Variants in ERC2 observed in about 807,000 individuals in gnomAD.
The protein encoded by ERC2 is ELKS/RAB6-interacting/CAST family member 2.
A neutral mutation model predicts 114.8 loss-of-function variants in ERC2; 42 were observed. That is an observed-to-expected ratio of 0.37 (90% CI 0.29 to 0.47). The LOEUF (loss-of-function observed/expected upper bound fraction) is 0.47. Ranked by LOEUF, ERC2 falls within the 20% of genes least tolerant of loss-of-function variation. ERC2 has a pLI of 0.99. For missense variants in ERC2, 939 were observed against 1,150.7 expected (o/e 0.82, Z 2.66); for synonymous variants, 454 against 425.5 (o/e 1.07, Z -0.82).
chr3:55,988,329 T>C (rs935580689), intron 11 of ERC2, among the ~76,000 whole-genome samples: 3 of 152,180 alleles, frequency 2.0e-5, no homozygotes, highest in Non-Finnish European at 4.4e-5. Context: ...CTGAGCTGCC[T>C]GCAGTCCAAG....
chr3:56,262,707 T>C lies in ERC2; in HGVS notation c.1074+33312A>G, dbSNP rs114134118. 6.5e-3 allele frequency among the ~76,000 whole-genome samples: 992 copies of C among 152,364 alleles called. 12 individuals carry two copies. Among genetic ancestry groups the C allele is most frequent in the African/African-American group, 0.022 (902 of 41,584 alleles). ...ATGTAAGAGTTAAACACTCATTTCA[T>C]ACCATTTAATTTCATTTGCAAGATG... is the stretch of plus-strand genomic sequence containing the variant. On this transcript the variant is annotated intron_variant, in intron 3 of 17. Coordinates refer to ENST00000288221, the MANE Select transcript of ERC2 (RefSeq NM_015576.3).
At chr3:56,367,985 AT>A (rs1347976621) in intron 2 of ERC2, among the ~76,000 whole-genome samples, 2 of 149,114 alleles carry the variant, frequency 1.3e-5, no homozygotes, top group Non-Finnish European at 3.0e-5. Flanking sequence ...GGTAGGACAA[AT>A]TTTTCTAAAA....
intron 14 of ERC2, among the ~76,000 whole-genome samples, chr3:55,870,661 C>A (rs76244816): frequency 6.6e-6 from 1 of 152,264 alleles, no homozygotes; most frequent in East Asian, 1.9e-4. Flanking sequence ...ATGCAACCCT[C>A]ATCACCCAGG....
chr3:55,742,725 G>A (rs1474693716), intron 14 of ERC2, among the ~76,000 whole-genome samples: 5 of 152,232 alleles, frequency 3.3e-5, no homozygotes, highest in Middle Eastern at 3.4e-3. Flanking sequence ...AGATGGTGAC[G>A]AAAGATCCTA....
intron 17 of ERC2, chr3:55,658,971 C>G (rs778694231): frequency 6.6e-6 from 1 of 152,656 alleles, no homozygotes; most frequent in Non-Finnish European, 1.5e-5. Context: ...TGAACCTTCC[C>G]GAGGCCCACA....
At chr3:55,700,165 A>C (rs1176794455) in intron 15 of ERC2, among the ~76,000 whole-genome samples, 2 of 152,248 alleles carry the variant, frequency 1.3e-5, no homozygotes, top group Non-Finnish European at 2.9e-5. Flanking sequence ...GATGCCTGTC[A>C]CATGAGGCAA....
At chr3:56,401,145 G>A (rs1005061279) in intron 2 of ERC2, among the ~76,000 whole-genome samples, 1 of 152,146 alleles carries the variant, frequency 6.6e-6, no homozygotes, top group African/African-American at 2.4e-5. Flanking sequence ...TTTTCAATTA[G>A]GCCAGTGCTA....
intron 16 of ERC2, among the ~76,000 whole-genome samples, chr3:55,694,825 C>T (rs1440923056): frequency 1.3e-5 from 2 of 152,178 alleles, no homozygotes; most frequent in Non-Finnish European, 2.9e-5. Context: ...CAACCCAAGA[C>T]CCGGGAAGAG....
At chr3:56,389,896 C>A (rs998187620) in intron 2 of ERC2, among the ~76,000 whole-genome samples, 13 of 152,268 alleles carry the variant, frequency 8.5e-5, no homozygotes, top group African/African-American at 3.1e-4. Context: ...CAAGAACAGG[C>A]AACAGCTATA....
chr3:55,890,533 A>C lies in ERC2; in HGVS notation c.2404-1984T>G, dbSNP rs1303088057. 3.9e-5 allele frequency among the ~76,000 whole-genome samples: 6 copies of C among 152,286 alleles called. No homozygotes were observed. In the East Asian group the frequency reaches 1.2e-3, roughly 29 times the overall value. Reference sequence around the variant, plus strand: ...ACTCAGCTGGGTTTCCAAATCTTAGATCACCTGCCACTGGACCGCTTAGGG... The same window carrying C: ...ACTCAGCTGGGTTTCCAAATCTTAGCTCACCTGCCACTGGACCGCTTAGGG... On this transcript the variant is annotated intron_variant, in intron 13 of 17. Coordinates refer to ENST00000288221, the MANE Select transcript of ERC2 (RefSeq NM_015576.3).
intron 2 of ERC2, among the ~76,000 whole-genome samples, chr3:56,339,195 T>C (rs2057985946): frequency 6.6e-6 from 1 of 151,990 alleles, no homozygotes; most frequent in Admixed American, 6.6e-5. Flanking sequence ...ATCAGGAAAA[T>C]AGAAGTAACA....
At chr3:56,297,229 A>G (rs949203952) in intron 2 of ERC2, among the ~76,000 whole-genome samples, 1 of 152,106 alleles carries the variant, frequency 6.6e-6, no homozygotes, top group Non-Finnish European at 1.5e-5. Flanking sequence ...AAGAAGAAAA[A>G]AAAAAAGAAA....
chr3:56,216,682 CA>C (rs2150137432), intron 3 of ERC2, among the ~76,000 whole-genome samples: 1 of 152,070 alleles, frequency 6.6e-6, no homozygotes, highest in Non-Finnish European at 1.5e-5. Flanking sequence ...GGCAGAGACA[CA>C]ACAAAAAAAG....
intron 4 of ERC2, among the ~76,000 whole-genome samples, chr3:56,170,460 T>G: frequency 6.6e-6 from 1 of 152,230 alleles, no homozygotes. Context: ...AAATGTCTTT[T>G]GCGAGTTTAT....
intron 6 of ERC2, among the ~76,000 whole-genome samples, chr3:56,100,265 T>C (rs1227164539): frequency 6.6e-6 from 1 of 152,182 alleles, no homozygotes; most frequent in Non-Finnish European, 1.5e-5. Flanking sequence ...CCCTCCAATA[T>C]ATACTGCTGG....
chr3:55,975,777 G>A (rs765397498), intron 12 of ERC2, among the ~76,000 whole-genome samples: 78 of 152,028 alleles, frequency 5.1e-4, no homozygotes, highest in Non-Finnish European at 9.9e-4. Flanking sequence ...TCTCCCTACC[G>A]CAGAGTCTAA....
chr3:55,989,003 C>A (rs1346744299), intron 11 of ERC2, among the ~76,000 whole-genome samples: 1 of 152,180 alleles, frequency 6.6e-6, no homozygotes, highest in Non-Finnish European at 1.5e-5. Context: ...TCCCAAGAAA[C>A]TTCCCCTCTG....
intron 7 of ERC2, among the ~76,000 whole-genome samples, chr3:56,035,821 A>G (rs1361584627): frequency 6.6e-6 from 1 of 152,236 alleles, no homozygotes; most frequent in African/African-American, 2.4e-5. Context: ...TTGTTATAGC[A>G]GCATGAACAA....
At chr3:56,270,110 T>C (rs2053564155) in intron 3 of ERC2, among the ~76,000 whole-genome samples, 2 of 151,702 alleles carry the variant, frequency 1.3e-5, no homozygotes, top group African/African-American at 4.8e-5. Context: ...CAGATAGGCA[T>C]AATTGTCAAT....
Sources: allele counts gnomAD v4.1 joint callset (sites outside exome capture counted in the v4.1 genomes callset), GRCh38; gene constraint gnomAD v4.1.1; transcripts MANE v1.5; gene names NCBI Gene and HGNC (gene_info 2026-07-23, HGNC 2026-07-21).